The following ENOX1 variants were observed in gnomAD, a reference collection of about 807,000 sequenced individuals.
ENOX1 encodes ecto-NOX disulfide-thiol exchanger 1, also known as candidate growth-related and time keeping constitutive hydroquinone (NADH) oxidase.
In ENOX1, 42 loss-of-function variants were observed where a neutral mutation model predicts 82.5. The ratio of observed to expected loss-of-function variants is 0.51; its 90% confidence interval spans 0.40 to 0.66. The LOEUF (loss-of-function observed/expected upper bound fraction) is 0.66. Ranked by LOEUF, ENOX1 falls within the 30% of genes least tolerant of loss-of-function variation. The pLI is 0.00. For synonymous variants in ENOX1, 271 were observed against 282.2 expected (o/e 0.96, Z 0.40); for missense variants, 608 against 811.6 (o/e 0.75, Z 3.05).
At chr13:43,252,783 G>C in intron 14 of ENOX1, among the ~76,000 whole-genome samples, 1 of 152,090 alleles carries the variant, frequency 6.6e-6, no homozygotes, top group Non-Finnish European at 1.5e-5. Context: ...AGGTCCCCCT[G>C]GGCATGGTGG....
At chr13:43,441,897 T>C (rs996659119) in intron 3 of ENOX1, among the ~76,000 whole-genome samples, 22 of 152,208 alleles carry the variant, frequency 1.4e-4, no homozygotes, top group African/African-American at 4.8e-4. Context: ...AGGAGGGATG[T>C]TGGTGTTTGA....
chr13:43,568,750 C>T (rs1471450667), intron 2 of ENOX1, among the ~76,000 whole-genome samples: 1 of 148,448 alleles, frequency 6.7e-6, no homozygotes, highest in Non-Finnish European at 1.5e-5. Flanking sequence ...TGATTTGGGT[C>T]TATTAGTATA....
chr13:43,612,269 C>T (rs2082231008), intron 2 of ENOX1, among the ~76,000 whole-genome samples: 1 of 151,394 alleles, frequency 6.6e-6, no homozygotes, highest in Non-Finnish European at 1.5e-5. Context: ...GTAGATCTCA[C>T]AGTGACCAGC....
At chr13:43,597,352 G>A (rs1054886757) in intron 2 of ENOX1, among the ~76,000 whole-genome samples, 1 of 152,168 alleles carries the variant, frequency 6.6e-6, no homozygotes, top group African/African-American at 2.4e-5. Context: ...GCCACTGACA[G>A]GTGGGAATGG....
intron 2 of ENOX1, among the ~76,000 whole-genome samples, chr13:43,625,385 G>C (rs2082919623): frequency 6.6e-6 from 1 of 151,994 alleles, no homozygotes; most frequent in South Asian, 2.1e-4. Flanking sequence ...AATAAGAGTA[G>C]TGAGATTGAA....
chr13:43,571,340 T>C (rs2080168814), intron 2 of ENOX1, among the ~76,000 whole-genome samples: 1 of 152,162 alleles, frequency 6.6e-6, no homozygotes, highest in Non-Finnish European at 1.5e-5. Context: ...CAACTAGATG[T>C]GAACTCAAGG....
At chr13:43,342,217 G>A (rs527331821) in intron 9 of ENOX1, among the ~76,000 whole-genome samples, 18 of 152,246 alleles carry the variant, frequency 1.2e-4, no homozygotes, top group South Asian at 2.1e-4. Context: ...TGTGGATGCC[G>A]TGTCTAACTG....
intron 1 of ENOX1, among the ~76,000 whole-genome samples, chr13:43,703,766 T>C (rs1257575607): frequency 6.6e-6 from 1 of 152,192 alleles, no homozygotes; most frequent in Admixed American, 6.5e-5. Context: ...AAAAATACCC[T>C]ATGCTTACCA....
At chr13:43,441,510 C>A (rs2056353909) in intron 3 of ENOX1, among the ~76,000 whole-genome samples, 1 of 152,126 alleles carries the variant, frequency 6.6e-6, no homozygotes, top group Admixed American at 6.5e-5. Context: ...AAACACGATT[C>A]TAAAACACAT....
chr13:43,261,146 A>G (rs1210779068), intron 14 of ENOX1, among the ~76,000 whole-genome samples: 2 of 152,250 alleles, frequency 1.3e-5, no homozygotes, highest in Admixed American at 1.3e-4. Flanking sequence ...GACCTCAAGC[A>G]TGCTGGACAA....
chr13:43,723,950 C>T (rs543018250), intron 1 of ENOX1, among the ~76,000 whole-genome samples: 4 of 152,266 alleles, frequency 2.6e-5, no homozygotes, highest in East Asian at 3.9e-4. Context: ...TCTGATCAGC[C>T]GTACAACACC....
chr13:43,464,174 T>G (rs1184313962), intron 3 of ENOX1, among the ~76,000 whole-genome samples: 1 of 152,286 alleles, frequency 6.6e-6, no homozygotes, highest in East Asian at 1.9e-4. Context: ...GAGAATGGTC[T>G]TCCAAGCTGA....
chr13:43,749,369 T>A (rs1222255843), intron 1 of ENOX1, among the ~76,000 whole-genome samples: 1 of 152,240 alleles, frequency 6.6e-6, no homozygotes, highest in Non-Finnish European at 1.5e-5. Flanking sequence ...AGATTCTCTG[T>A]AGTTTGAAAT....
chr13:43,282,299 T>A (rs923874313), intron 12 of ENOX1, among the ~76,000 whole-genome samples: 2 of 152,172 alleles, frequency 1.3e-5, no homozygotes, highest in South Asian at 2.1e-4. Flanking sequence ...TCTTTGTTTA[T>A]AACTGAGCCT....
At chr13:43,639,594 C>T (rs1594216761) in intron 2 of ENOX1, among the ~76,000 whole-genome samples, 1 of 152,230 alleles carries the variant, frequency 6.6e-6, no homozygotes, top group East Asian at 1.9e-4. Context: ...TTATGCCCTC[C>T]CATAATGCAT....
intron 1 of ENOX1, among the ~76,000 whole-genome samples, chr13:43,777,566 G>A (rs1310804744): frequency 4.8e-5 from 7 of 146,408 alleles, no homozygotes; most frequent in Non-Finnish European, 1.0e-4. Flanking sequence ...TTTCTGAGAC[G>A]GAGTCTCACT....
intron 13 of ENOX1, among the ~76,000 whole-genome samples, chr13:43,266,251 C>T (rs1437814680): frequency 6.6e-6 from 1 of 152,112 alleles, no homozygotes; most frequent in Non-Finnish European, 1.5e-5. Flanking sequence ...AGCATCTCCT[C>T]CATTATCTTT....
chr13:43,693,955 G>C (rs1417248863), intron 1 of ENOX1, among the ~76,000 whole-genome samples: 1 of 152,130 alleles, frequency 6.6e-6, no homozygotes, highest in Admixed American at 6.5e-5. Flanking sequence ...GGAGTATGGG[G>C]AAGCTAGGAC....
chr13:43,660,941 T>A (rs1257911573), intron 2 of ENOX1, among the ~76,000 whole-genome samples: 2 of 152,216 alleles, frequency 1.3e-5, no homozygotes, highest in Non-Finnish European at 2.9e-5. Flanking sequence ...TTTAAGGTCT[T>A]TATTCTCCAT....
Sources: gnomAD v4.1 joint callset for allele counts (sites outside exome capture counted in the v4.1 genomes callset) on GRCh38, gnomAD v4.1.1 for gene constraint, MANE v1.5 for transcripts, NCBI Gene and HGNC (gene_info 2026-07-23, HGNC 2026-07-21) for gene names.